The following DPYSL3 variants were observed in gnomAD, a reference collection of about 807,000 sequenced individuals.
The protein encoded by DPYSL3 is dihydropyrimidinase like 3, also known as dihydropyrimidinase-related protein 3.
In DPYSL3, 16 loss-of-function variants were observed where a neutral mutation model predicts 66.1. The ratio of observed to expected loss-of-function variants is 0.24; its 90% confidence interval spans 0.16 to 0.37. The LOEUF (loss-of-function observed/expected upper bound fraction) is 0.37. Ranked by LOEUF, DPYSL3 falls within the 10% of genes least tolerant of loss-of-function variation. The probability of loss-of-function intolerance (pLI) is 1.00; values close to 1 mark genes in which losing one functional copy is unlikely to be tolerated. For missense variants in DPYSL3, 738 were observed against 916.2 expected (o/e 0.81, Z 2.51); for synonymous variants, 338 against 345.1 (o/e 0.98, Z 0.23).
intron 1 of DPYSL3, among the ~76,000 whole-genome samples, chr5:147,430,598 GA>G: frequency 6.6e-6 from 1 of 152,044 alleles, no homozygotes; most frequent in Middle Eastern, 3.4e-3. Flanking sequence ...AGGGCGGGGA[GA>G]GAGAACTGGA....
chr5:147,457,326 G>A (rs565196298), intron 1 of DPYSL3, among the ~76,000 whole-genome samples: 1 of 152,188 alleles, frequency 6.6e-6, no homozygotes, highest in South Asian at 2.1e-4. Context: ...CTATTTGAGG[G>A]TATGTGATGT....
At chr5:147,421,273 A>T (rs1275711783) in intron 2 of DPYSL3, among the ~76,000 whole-genome samples, 1 of 152,184 alleles carries the variant, frequency 6.6e-6, no homozygotes, top group Admixed American at 6.5e-5. Context: ...AATTACTACA[A>T]AGAGAATAAA....
chr5:147,500,526 A>G (rs893262227), intron 1 of DPYSL3, among the ~76,000 whole-genome samples: 2 of 151,744 alleles, frequency 1.3e-5, no homozygotes, highest in Non-Finnish European at 2.9e-5. Context: ...AGGCAGGAGA[A>G]TCACTTGAAC....
At chr5:147,495,850 T>C (rs1237599653) in intron 1 of DPYSL3, among the ~76,000 whole-genome samples, 2 of 152,190 alleles carry the variant, frequency 1.3e-5, no homozygotes, top group Non-Finnish European at 2.9e-5. Context: ...TTCAATGGCA[T>C]CCTCATCAAG....
chr5:147,439,240 G>C (rs1161518642), intron 1 of DPYSL3, among the ~76,000 whole-genome samples: 3 of 152,162 alleles, frequency 2.0e-5, no homozygotes, highest in Non-Finnish European at 4.4e-5. Context: ...TTTCAACAGT[G>C]ATAAGTGAAA....
At chr5:147,445,597 A>T (rs775477858) in intron 1 of DPYSL3, among the ~76,000 whole-genome samples, 7 of 152,292 alleles carry the variant, frequency 4.6e-5, no homozygotes, top group Non-Finnish European at 8.8e-5. Context: ...TCCTCATGGC[A>T]TGTACATGGC....
Position 147,509,957 on chromosome 5 carries a change from G to C in DPYSL3, c.-99C>G. On this transcript the variant is annotated 5_prime_UTR_variant, in exon 1 of 14. Coordinates refer to ENST00000343218, the MANE Select transcript of DPYSL3 (RefSeq NM_001197294.2). This position sits in a 1 kb window ranked among gnomAD's most constrained non-coding sequence, Gnocchi z 5.3. ...CGAGCCACAGTGACTGTGGCGGGAG[G>C]AGGCGCCTGAGCCTTCGCGCCAGAG... The C allele has an allele frequency of 7.0e-7, 1 of 1,430,170 alleles. No homozygotes were observed. Among genetic ancestry groups the C allele is most frequent in the Non-Finnish European group, 9.1e-7 (1 of 1,094,272 alleles). The allele number at this position is 1,430,170 out of a possible 1,614,324, so 88.6% of individuals were successfully genotyped here. A position where few individuals can be genotyped will look rare whatever the true frequency, so the allele number is the denominator to read the frequency against.
At chr5:147,481,012 A>C (rs1331554937) in intron 1 of DPYSL3, among the ~76,000 whole-genome samples, 2 of 152,066 alleles carry the variant, frequency 1.3e-5, no homozygotes, top group East Asian at 3.9e-4. Flanking sequence ...GTGAGCCACC[A>C]CGCCTGGCCA....
intron 1 of DPYSL3, among the ~76,000 whole-genome samples, chr5:147,494,093 T>A (rs1414150695): frequency 1.3e-5 from 2 of 152,078 alleles, no homozygotes; most frequent in East Asian, 3.9e-4. Flanking sequence ...CTCGGGAGGC[T>A]GAGGCAGAAG....
In DPYSL3 at chr5:147,401,522, G is replaced by A. The variant is rs1021727307; in HGVS notation, c.1310+18C>T. Reference sequence around the variant, plus strand: ...ATGTTTTCACAAAACGCCTGCTGCTGGGCATTCCTGCACCAACCTGGCCAG... The same window carrying A: ...ATGTTTTCACAAAACGCCTGCTGCTAGGCATTCCTGCACCAACCTGGCCAG... On this transcript the variant is annotated intron_variant, in intron 9 of 13. Transcript: ENST00000343218. The A allele has an allele frequency of 5.0e-6, 8 of 1,600,430 alleles. No individual in the cohort carries two copies. Among genetic ancestry groups the A allele is most frequent in the African/African-American group, 4.0e-5 (3 of 74,534 alleles).
intron 2 of DPYSL3, among the ~76,000 whole-genome samples, chr5:147,422,821 G>A (rs950067069): frequency 1.2e-4 from 18 of 152,044 alleles, no homozygotes; most frequent in African/African-American, 3.9e-4. Flanking sequence ...ATATGGGCAC[G>A]GGGAGGCGAA....
At chr5:147,503,979 G>A (rs574792146) in intron 1 of DPYSL3, among the ~76,000 whole-genome samples, 1 of 152,238 alleles carries the variant, frequency 6.6e-6, no homozygotes, top group African/African-American at 2.4e-5. Context: ...ATATTTTAAT[G>A]TTACATACTC....
chr5:147,485,747 G>A (rs1229370220), intron 1 of DPYSL3, among the ~76,000 whole-genome samples: 2 of 152,130 alleles, frequency 1.3e-5, no homozygotes, highest in African/African-American at 4.8e-5. Flanking sequence ...ATAAGAAATT[G>A]GAGTCTCAGC....
chr5:147,480,767 T>C (rs1581213100), intron 1 of DPYSL3, among the ~76,000 whole-genome samples: 2 of 150,420 alleles, frequency 1.3e-5, no homozygotes, highest in East Asian at 2.0e-4. Context: ...TTGTTACCCA[T>C]GCTGGAGTGC....
At chr5:147,429,390 G>T (rs1466234067) in intron 1 of DPYSL3, among the ~76,000 whole-genome samples, 1 of 152,056 alleles carries the variant, frequency 6.6e-6, no homozygotes, top group Admixed American at 6.5e-5. Flanking sequence ...TCTTGAGTTG[G>T]GACTTAACCT....
chr5:147,471,251 A>G lies in DPYSL3; in HGVS notation c.381+38227T>C, dbSNP rs1325058030. ...TATCATCTAGATTGACCACTGTATT[A>G]GTAAAAACAGCTTATTAAAAAGTGA... On this transcript the variant is annotated intron_variant, in intron 1 of 13. Coordinates refer to ENST00000343218, the MANE Select transcript of DPYSL3 (RefSeq NM_001197294.2). Among the ~76,000 whole-genome samples the G allele has an allele frequency of 2.0e-5, 3 of 152,180 alleles. No individual in the cohort carries two copies. The South Asian group carries it at 6.2e-4, about 32-fold the overall frequency.
chr5:147,421,057 A>G (rs1156681313), intron 2 of DPYSL3, among the ~76,000 whole-genome samples: 1 of 152,242 alleles, frequency 6.6e-6, no homozygotes, highest in Non-Finnish European at 1.5e-5. Context: ...TTCAAATAGG[A>G]AGAGAGGAAG....
Position 147,509,800 on chromosome 5 carries a change from A to G in DPYSL3, c.59T>C (p.Leu20Pro). The change falls in exon 1 of 14, where the codon CTG (leucine) becomes CCG (proline). Residue 20 changes from leucine (L) to proline (P), a missense_variant. Leu to Pro is a moderately conservative substitution (Grantham distance 98, BLOSUM62 -3). Coordinates refer to ENST00000343218, the MANE Select transcript of DPYSL3 (RefSeq NM_001197294.2). This position sits in a 1 kb window ranked among gnomAD's most constrained non-coding sequence, Gnocchi z 5.3. ...CTGGTCCGTGGTGCCCGGCCTGGCC[A>G]GGTACACGGGCAGATCGTCTTCGTG... ...SSHEDDLPVY[L>P]ARPGTTDQVP... 6.5e-7 allele frequency: 1 copy of G among 1,535,922 alleles called. No homozygotes were observed. The highest frequency in any genetic ancestry group is 8.7e-7 in the Non-Finnish European group (1 of 1,146,766).
chr5:147,441,238 A>C (rs1198767685), intron 1 of DPYSL3, among the ~76,000 whole-genome samples: 1 of 152,196 alleles, frequency 6.6e-6, no homozygotes, highest in East Asian at 1.9e-4. Context: ...TTAACAACAG[A>C]AACTTATCTT....
Sources: gnomAD v4.1 joint callset for allele counts (sites outside exome capture counted in the v4.1 genomes callset) on GRCh38, gnomAD v4.1.1 for gene constraint, Gnocchi (gnomAD v3.1) non-coding constraint, MANE v1.5 for transcripts, NCBI Gene and HGNC (gene_info 2026-07-23, HGNC 2026-07-21) for gene names.